Variants in CACNA1E observed in about 807,000 individuals in gnomAD.
CACNA1E encodes voltage-dependent R-type calcium channel subunit alpha-1E.
Under a neutral mutation model 259.2 loss-of-function variants are expected in CACNA1E, and 40 were observed. The observed-to-expected ratio is 0.15, with a 90% CI of 0.12 to 0.20. CACNA1E has a LOEUF of 0.20. Ranked by LOEUF, CACNA1E falls within the 10% of genes least tolerant of loss-of-function variation. The probability of loss-of-function intolerance (pLI) is 1.00; values close to 1 mark genes in which losing one functional copy is unlikely to be tolerated. For synonymous variants in CACNA1E, 1,104 were observed against 1,138.5 expected (o/e 0.97, Z 0.61); for missense variants, 1,874 against 3,040.1 (o/e 0.62, Z 9.02).
At chr1:181,563,613 T>C (rs1010171771) in intron 3 of CACNA1E, among the ~76,000 whole-genome samples, 5 of 152,024 alleles carry the variant, frequency 3.3e-5, no homozygotes, top group Non-Finnish European at 5.9e-5. Flanking sequence ...GGATCATGAG[T>C]GAGTAAATTT....
At chr1:181,459,798 C>T (rs1485385776) in intron 2 of CACNA1E, among the ~76,000 whole-genome samples, 10 of 152,284 alleles carry the variant, frequency 6.6e-5, no homozygotes, top group South Asian at 6.2e-4. Flanking sequence ...CACCAACTCA[C>T]GAGATGCACA....
chr1:181,687,898 A>T (rs1232438632), intron 7 of CACNA1E, among the ~76,000 whole-genome samples: 2 of 152,170 alleles, frequency 1.3e-5, no homozygotes, highest in African/African-American at 4.8e-5. Flanking sequence ...AACCACCTTT[A>T]TTCCTTCTGG....
chr1:181,517,627 G>A (rs1355952286), intron 3 of CACNA1E, among the ~76,000 whole-genome samples: 1 of 151,872 alleles, frequency 6.6e-6, no homozygotes, highest in Admixed American at 6.6e-5. Context: ...AGAGGAAAAG[G>A]GAGCAGGGGA....
chr1:181,781,375 C>G (rs1035323262), intron 38 of CACNA1E, 52 bp from the exon 39 acceptor site: 2 of 826,866 alleles, frequency 2.4e-6, no homozygotes, highest in African/African-American at 3.4e-5. Flanking sequence ...TCCCTGCCAC[C>G]CCACTGCCCC....
intron 8 of CACNA1E, among the ~76,000 whole-genome samples, chr1:181,713,188 G>A (rs781189396): frequency 2.6e-5 from 4 of 152,092 alleles, no homozygotes; most frequent in East Asian, 3.9e-4. Flanking sequence ...CAGAGATCTC[G>A]GCAGCACCAC....
At chr1:181,553,404 T>G (rs1030996006) in intron 3 of CACNA1E, among the ~76,000 whole-genome samples, 7 of 152,226 alleles carry the variant, frequency 4.6e-5, no homozygotes, top group African/African-American at 1.7e-4. Flanking sequence ...GTTTTTGGGC[T>G]GCGATGATGG....
At position 181,484,029 on chromosome 1, in the gene CACNA1E, C is replaced by A. The variant is rs755677288; in HGVS notation, c.266+19C>A. 3 of 1,607,888 alleles carry A rather than the reference C, an allele frequency of 1.9e-6. No individual in the cohort carries two copies. Among genetic ancestry groups the A allele is most frequent in the African/African-American group, 2.7e-5 (2 of 74,804 alleles). On this transcript the variant is annotated intron_variant, in intron 1 of 47. Coordinates refer to ENST00000367573, the MANE Select transcript of CACNA1E (RefSeq NM_001205293.3). ...ATTGGCCATATCCTTTCTTGCCCACCATAACTCCCTCTCCCCCTTTGCATT... is the reference window on the plus strand; with the variant it reads ...ATTGGCCATATCCTTTCTTGCCCACAATAACTCCCTCTCCCCCTTTGCATT...
chr1:181,793,976 C>G (rs950273992), intron 45 of CACNA1E, among the ~76,000 whole-genome samples, 183 bp downstream of exon 45: 1 of 152,214 alleles, frequency 6.6e-6, no homozygotes, highest in African/African-American at 2.4e-5. Context: ...ATGACCCCCC[C>G]TAACCACAAC....
intron 11 of CACNA1E, among the ~76,000 whole-genome samples, chr1:181,717,562 C>T (rs1270362546): frequency 6.6e-6 from 1 of 152,146 alleles, no homozygotes; most frequent in East Asian, 1.9e-4. Flanking sequence ...AAAGCCTTCA[C>T]TTCCTTTCTT....
At chr1:181,324,539 GATTA>G (rs1650623113) in intron 1 of CACNA1E, among the ~76,000 whole-genome samples, 2 of 152,210 alleles carry the variant, frequency 1.3e-5, no homozygotes, top group South Asian at 4.1e-4. Context: ...TGAGCATTGT[GATTA>G]ATTAATATTT....
chr1:181,360,090 G>A (rs1653757229), intron 1 of CACNA1E, among the ~76,000 whole-genome samples: 1 of 152,056 alleles, frequency 6.6e-6, no homozygotes, highest in Non-Finnish European at 1.5e-5. Context: ...ATGACACCTC[G>A]GGCCATAGGG....
rs373971175 is a variant in CACNA1E, at chr1:181,732,860, G to A, written c.2774G>A (p.Arg925His). The A allele has an allele frequency of 7.3e-5, 118 of 1,613,936 alleles. No individual in the cohort carries two copies. The highest frequency in any genetic ancestry group is 1.6e-4 in the Middle Eastern group (1 of 6,062). ...AGCCAACGGCGCAGCCGGCATCGCCGCGTCAGGACAGAAGGCAAGGAGTCC... is the reference window on the plus strand; with the variant it reads ...AGCCAACGGCGCAGCCGGCATCGCCACGTCAGGACAGAAGGCAAGGAGTCC... ...RQSQRRSRHR[R>H]VRTEGKESSS... Residue 925 changes from arginine to histidine, a missense_variant, in exon 20 of 48, where the codon CGC (arginine) becomes CAC (histidine). By Grantham distance (29) the Arg-to-His change is conservative. This residue lies in a region of CACNA1E where 476 missense variants were observed against 514.0 expected (regional missense o/e 0.93). Transcript: ENST00000367573. This position sits in a 1 kb window ranked among gnomAD's most constrained non-coding sequence, Gnocchi z 5.5.
chr1:181,576,714 T>G (rs1651014318), intron 3 of CACNA1E, among the ~76,000 whole-genome samples: 1 of 152,236 alleles, frequency 6.6e-6, no homozygotes, highest in Non-Finnish European at 1.5e-5. Context: ...GGTGAGAAAC[T>G]TCCTTTCATT....
At chr1:181,475,832 C>T (rs2102429282) in intron 2 of CACNA1E, among the ~76,000 whole-genome samples, 1 of 152,218 alleles carries the variant, frequency 6.6e-6, no homozygotes, top group Non-Finnish European at 1.5e-5. Context: ...TATGCAGCTA[C>T]CCCTAACTTC....
chr1:181,411,758 C>T (rs113823399), intron 1 of CACNA1E, among the ~76,000 whole-genome samples: 7,454 of 152,260 alleles, frequency 0.049, 572 homozygotes, highest in African/African-American at 0.17. Flanking sequence ...TACAGGCACA[C>T]GCCACCACAC....
At chr1:181,397,305 A>G (rs964333163) in intron 1 of CACNA1E, among the ~76,000 whole-genome samples, 1 of 151,822 alleles carries the variant, frequency 6.6e-6, no homozygotes, top group Non-Finnish European at 1.5e-5. Flanking sequence ...CCCTTACAAA[A>G]CCCAGGCCCC....
chr1:181,742,651 A>AG (rs1656685114), intron 25 of CACNA1E, among the ~76,000 whole-genome samples: 1 of 152,140 alleles, frequency 6.6e-6, no homozygotes, highest in South Asian at 2.1e-4. Context: ...ACCCTGGCCC[A>AG]ACTCCCAGGA....
chr1:181,797,125 T>A (rs774360557), intron 47 of CACNA1E, among the ~76,000 whole-genome samples: 3 of 152,172 alleles, frequency 2.0e-5, no homozygotes, highest in Non-Finnish European at 2.9e-5. Context: ...ACCAGAGATA[T>A]AAATAGGTTG....
intron 1 of CACNA1E, among the ~76,000 whole-genome samples, chr1:181,366,377 C>T (rs937975825): frequency 2.6e-5 from 4 of 152,164 alleles, no homozygotes; most frequent in Admixed American, 6.5e-5. Context: ...GCAGGTTGCA[C>T]GAGACCTAGT....
Sources: gnomAD v4.1 joint callset for allele counts (sites outside exome capture counted in the v4.1 genomes callset) on GRCh38, gnomAD v4.1.1 for gene constraint, gnomAD v4.1.1 regional missense constraint, Gnocchi (gnomAD v3.1) non-coding constraint, MANE v1.5 for transcripts, NCBI Gene and HGNC (gene_info 2026-07-23, HGNC 2026-07-21) for gene names.